DGKE: variants seen among roughly 807,000 people sequenced by gnomAD.
DGKE encodes the protein DAG kinase epsilon.
In DGKE, 53 loss-of-function variants were observed where a neutral mutation model predicts 70.0. The ratio of observed to expected loss-of-function variants is 0.76; its 90% CI spans 0.61 to 0.95. The LOEUF (loss-of-function observed/expected upper bound fraction) is 0.95. Among genes scored for constraint, DGKE ranks in the 40% least tolerant of loss-of-function variants. DGKE has a pLI of 0.00. For synonymous variants in DGKE, 291 were observed against 257.0 expected, an observed-to-expected ratio of 1.13 and a Z score of -1.27; for missense variants, 655 against 706.9, an observed-to-expected ratio of 0.93 and a Z score of 0.83.
chr17:56,851,147 A>G (rs960484043), intron 7 of DGKE, among the ~76,000 whole-genome samples: 1 of 152,172 alleles, frequency 6.6e-6, no homozygotes, highest in African/African-American at 2.4e-5. Context: ...CACATCACTC[A>G]GAGAGCAGTA....
chr17:56,855,754 G>A (rs928523524), intron 7 of DGKE, among the ~76,000 whole-genome samples: 2 of 151,976 alleles, frequency 1.3e-5, no homozygotes, highest in Admixed American at 1.3e-4. Flanking sequence ...GCCTGTAATC[G>A]CAGCACTTTG....
At chr17:56,855,192 GT>G (rs35479127) in intron 7 of DGKE, among the ~76,000 whole-genome samples, 3 of 149,402 alleles carry the variant, frequency 2.0e-5, no homozygotes, top group African/African-American at 4.9e-5. Context: ...GTGTTTATGG[GT>G]TTTTTTTTTA....
At chr17:56,843,927 T>C in intron 2 of DGKE, 92 bp from the exon 3 acceptor site, 1 of 1,245,220 alleles carries the variant, frequency 8.0e-7, no homozygotes, top group Non-Finnish European at 1.1e-6. Flanking sequence ...GATAAAATTA[T>C]GTTTTATTTT....
At chr17:56,834,375 G>T (rs1262122233) in intron 1 of DGKE, 115 bp downstream of exon 1, 1 of 171,326 alleles carries the variant, frequency 5.8e-6, no homozygotes, top group African/African-American at 2.4e-5. Context: ...GCGCCCCGGA[G>T]GGGAGTGCGA....
In DGKE at chr17:56,845,980, G is replaced by A. The variant is rs1021791577; in HGVS notation, c.744+171G>A. 29 of 567,078 alleles carry A rather than the reference G, an allele frequency of 5.1e-5. No homozygotes were observed. In the African/African-American group the frequency reaches 5.5e-4, roughly 11 times the overall value. The allele number at this position is 567,078 out of a possible 1,614,324, so 35.1% of individuals were successfully genotyped here. On this transcript the variant is annotated intron_variant, in intron 4 of 11. Coordinates refer to ENST00000284061, the MANE Select transcript of DGKE (RefSeq NM_003647.3). ...AGGCACTCTTGTGGGAATATAAAATGGTACAACCTCTTTAGAAGACATCTT... is the reference window on the plus strand; with the variant it reads ...AGGCACTCTTGTGGGAATATAAAATAGTACAACCTCTTTAGAAGACATCTT...
chr17:56,854,745 T>C (rs1485970708), intron 7 of DGKE, among the ~76,000 whole-genome samples: 1 of 152,236 alleles, frequency 6.6e-6, no homozygotes, highest in African/African-American at 2.4e-5. Context: ...AAAGCAGAGC[T>C]GAGTATTTAA....
At chr17:56,856,461 C>T (rs1284595597) in intron 7 of DGKE, 51 bp from the exon 8 acceptor site, 3 of 1,545,004 alleles carry the variant, frequency 1.9e-6, no homozygotes, top group Non-Finnish European at 1.7e-6. Flanking sequence ...AATTATGACT[C>T]AAGCTTAGGT....
rs996118306 is a variant in DGKE, at chr17:56,869,106, T to G, written c.*6315T>G. 3.9e-5 allele frequency: 6 copies of G among 152,252 alleles called. No individual in the cohort carries two copies. The highest frequency in any genetic ancestry group is 1.4e-4 in the African/African-American group (6 of 41,474). 9.4% of individuals were successfully genotyped at this position (152,252 alleles called of 1,614,324 possible). Reference sequence around the variant, plus strand: ...GTAAGAATGGGAATTAATGCCCACCTACGGGTTGCAAGTGCTTACAGGAGC... The same window carrying G: ...GTAAGAATGGGAATTAATGCCCACCGACGGGTTGCAAGTGCTTACAGGAGC... On this transcript the variant is annotated 3_prime_UTR_variant, in exon 12 of 12. Coordinates refer to ENST00000284061, the MANE Select transcript of DGKE (RefSeq NM_003647.3).
In DGKE at chr17:56,858,666, G is replaced by A; in HGVS notation, c.1284+1G>A. On this transcript the variant is annotated splice_donor_variant, in intron 9 of 11. Transcript: ENST00000284061. LOFTEE classifies it high-confidence loss of function. ...TAAAGATTTGAATAAAAAAGTTGAG[G>A]TAAGCTATTAACACTTTTTATTTTT... 6.3e-7 allele frequency: 1 copy of A among 1,596,130 alleles called. No homozygotes were observed. Among genetic ancestry groups the A allele is most frequent in the Non-Finnish European group, 8.5e-7 (1 of 1,170,622 alleles).
intron 9 of DGKE, among the ~76,000 whole-genome samples, chr17:56,860,982 C>T (rs544854696): frequency 1.3e-5 from 2 of 152,274 alleles, no homozygotes; most frequent in African/African-American, 2.4e-5. Flanking sequence ...TAGAGGATGA[C>T]ATATTTGCAT....
intron 6 of DGKE, 76 bp downstream of exon 6, chr17:56,848,929 A>G (rs1351878026): frequency 6.3e-7 from 1 of 1,577,074 alleles, no homozygotes; most frequent in Non-Finnish European, 8.7e-7. Flanking sequence ...ACTTGTGTAG[A>G]TGAAATGTGC....
chr17:56,838,120 G>A (rs1387911225), intron 2 of DGKE, among the ~76,000 whole-genome samples: 1 of 152,146 alleles, frequency 6.6e-6, no homozygotes, highest in East Asian at 1.9e-4. Context: ...AGAACTTAAA[G>A]TGCTTTTTAA....
intron 7 of DGKE, among the ~76,000 whole-genome samples, chr17:56,854,742 A>G (rs891481698): frequency 1.3e-5 from 2 of 152,242 alleles, no homozygotes; most frequent in African/African-American, 4.8e-5. Context: ...AATAAAGCAG[A>G]GCTGAGTATT....
At chr17:56,835,388 A>C in intron 2 of DGKE, 129 bp downstream of exon 2, 2 of 970,894 alleles carry the variant, frequency 2.1e-6, no homozygotes, top group Non-Finnish European at 3.0e-6. Flanking sequence ...AAGCTAATAA[A>C]TAAACATCCC....
chr17:56,847,180 G>A (rs147810685), intron 4 of DGKE, among the ~76,000 whole-genome samples: 42 of 151,744 alleles, frequency 2.8e-4, no homozygotes, highest in African/African-American at 1.0e-3. Flanking sequence ...CATTTTCTAT[G>A]TATTGCAAAA....
intron 2 of DGKE, among the ~76,000 whole-genome samples, chr17:56,839,611 C>A (rs558411621): frequency 1.3e-5 from 2 of 152,128 alleles, no homozygotes; most frequent in Non-Finnish European, 2.9e-5. Flanking sequence ...CTTAGCCTCC[C>A]AGGTTCAAGC....
chr17:56,834,813 G>A lies in DGKE; in HGVS notation c.18G>A (p.Arg6=), dbSNP rs1231598349. 1 of 1,603,970 alleles carries A rather than the reference G, an allele frequency of 6.2e-7. No homozygotes were observed. Among genetic ancestry groups the A allele is most frequent in the African/African-American group, 1.3e-5 (1 of 74,876 alleles). The part of the protein sequence containing the change: MEAER[R]PAPGSPSEGL... ...TGGAGAAGATGGAAGCGGAGAGGCG[G>A]CCGGCGCCGGGCTCGCCCTCCGAGG... Residue 6 remains arginine, a synonymous_variant, in exon 2 of 12, where the codon CGG becomes CGA. Coordinates refer to ENST00000284061, the MANE Select transcript of DGKE (RefSeq NM_003647.3).
chr17:56,837,053 G>A (rs546269459), intron 2 of DGKE, among the ~76,000 whole-genome samples: 7 of 152,082 alleles, frequency 4.6e-5, no homozygotes, highest in Non-Finnish European at 4.4e-5. Context: ...GGTTCTCAAA[G>A]TAAGGTCCCT....
chr17:56,842,230 G>C (rs892456088), intron 2 of DGKE, among the ~76,000 whole-genome samples: 1 of 151,908 alleles, frequency 6.6e-6, no homozygotes, highest in African/African-American at 2.4e-5. Flanking sequence ...ATGCCTTTTT[G>C]TATTTTTAAA....
Sources: allele counts gnomAD v4.1 joint callset (sites outside exome capture counted in the v4.1 genomes callset), GRCh38; gene constraint gnomAD v4.1.1; transcripts MANE v1.5; gene names NCBI Gene and HGNC (gene_info 2026-07-23, HGNC 2026-07-21).